The following MINAR1 variants were observed in gnomAD, a reference collection of about 807,000 sequenced individuals.
The protein encoded by MINAR1 is membrane integral NOTCH2 associated receptor 1.
In MINAR1, 40 loss-of-function variants were observed where a neutral mutation model predicts 65.1. The ratio of observed to expected loss-of-function variants is 0.61; its 90% CI spans 0.48 to 0.80. The LOEUF (loss-of-function observed/expected upper bound fraction) is 0.80, where lower values mean the gene tolerates loss of function less well. Ranked by LOEUF, MINAR1 falls within the 30% of genes least tolerant of loss-of-function variation. The pLI is 0.00. For missense variants in MINAR1, 1,128 were observed against 1,148.0 expected, an observed-to-expected ratio of 0.98 and a Z score of 0.25; for synonymous variants, 482 against 449.1, an observed-to-expected ratio of 1.07 and a Z score of -0.93.
chr15:79,429,032 TAGAG>T (rs1894382068), upstream of MINAR1, among the ~76,000 whole-genome samples: 1 of 152,148 alleles, frequency 6.6e-6, no homozygotes, highest in South Asian at 2.1e-4. Context: ...GTTATGTATT[TAGAG>T]AGAATTTGGG....
At chr15:79,417,800 T>G in the MINAR1 span, 1 of 152,202 alleles carries the variant, frequency 6.6e-6, no homozygotes, top group African/African-American at 2.4e-5. Context: ...ATCAGGCTAT[T>G]TGGTTTAATG....
the MINAR1 span, chr15:79,411,665 C>T: frequency 6.8e-6 from 4 of 586,368 alleles, no homozygotes; most frequent in Non-Finnish European, 1.2e-5. Flanking sequence ...CAAGGAACAA[C>T]CTGCTCTCAC....
the MINAR1 span, chr15:79,411,438 G>C: frequency 1.4e-6 from 1 of 702,536 alleles, no homozygotes; most frequent in South Asian, 1.5e-5. Flanking sequence ...TGGACAAGAT[G>C]GTCGACTATA....
At chr15:79,447,237 T>C (rs541248839) in intron 1 of MINAR1, among the ~76,000 whole-genome samples, 64 of 152,322 alleles carry the variant, frequency 4.2e-4, no homozygotes, top group South Asian at 1.0e-3. Context: ...TTCAGCTAAA[T>C]TCCCTTAGAC....
At chr15:79,452,495 AGT>A (rs1022118812) in intron 1 of MINAR1, among the ~76,000 whole-genome samples, 1 of 134,534 alleles carries the variant, frequency 7.4e-6, no homozygotes, top group Non-Finnish European at 1.6e-5. Context: ...TTTGAGTCTG[AGT>A]GTGAAGCTAT....
chr15:79,436,419 A>C (rs1894601297), intron 1 of MINAR1, among the ~76,000 whole-genome samples: 1 of 152,208 alleles, frequency 6.6e-6, no homozygotes, highest in African/African-American at 2.4e-5. Context: ...TTAGTCTTTT[A>C]GAGAAGGAAC....
chr15:79,446,922 TGTCACTCA>T (rs533851911), intron 1 of MINAR1, among the ~76,000 whole-genome samples: 197 of 152,314 alleles, frequency 1.3e-3, no homozygotes, highest in African/African-American at 3.8e-3. Context: ...AGTCTCACTC[TGTCACTCA>T]GGCTAGAGTG....
chr15:79,445,200 A>G (rs900310087), intron 1 of MINAR1, among the ~76,000 whole-genome samples: 1 of 152,122 alleles, frequency 6.6e-6, no homozygotes, highest in Non-Finnish European at 1.5e-5. Context: ...ATAATGTTAT[A>G]GCTCACACTT....
In MINAR1 at chr15:79,458,447, TAATTTA is replaced by T. The variant is rs1411601218; in HGVS notation, c.2298+10_2298+15del. 7 of 1,607,492 alleles carry T rather than the reference TAATTTA, an allele frequency of 4.4e-6. No homozygotes were observed. The highest frequency in any genetic ancestry group is 1.7e-4 in the Middle Eastern group (1 of 6,026). The stretch of plus-strand genomic sequence containing the variant: ...GACTGGCATCGGAAATCTAAAGAGG[TAATTTA>T]AATTTAAGTTCACATAATCGGGCAC... On this transcript the variant is annotated splice_donor_5th_base_variant and intron_variant, in intron 2 of 3. Transcript: ENST00000305428.
At position 79,468,780 on chromosome 15, in the gene MINAR1, G is replaced by C. The variant is rs1386799330; in HGVS notation, c.*396G>C. The C allele has an allele frequency of 5.0e-6, 1 of 198,856 alleles. No individual in the cohort carries two copies. Among genetic ancestry groups the C allele is most frequent in the African/African-American group, 2.4e-5 (1 of 42,442 alleles). 12.3% of individuals were successfully genotyped at this position (198,856 alleles called of 1,614,324 possible). ...TACACGCCTCTTTAGAAGAAACTAAGGGAAATAGCAACATAAGAAGAAAAG... is the reference window on the plus strand; with the variant it reads ...TACACGCCTCTTTAGAAGAAACTAACGGAAATAGCAACATAAGAAGAAAAG... On this transcript the variant is annotated 3_prime_UTR_variant, in exon 4 of 4. Transcript: ENST00000305428.
chr15:79,416,892 C>T, the MINAR1 span: 1 of 152,332 alleles, frequency 6.6e-6, no homozygotes, highest in Non-Finnish European at 1.5e-5. Flanking sequence ...CTCCTCCTCT[C>T]AGCATCCTCA....
chr15:79,468,682 GGAA>G lies in MINAR1; in HGVS notation c.*301_*303del, dbSNP rs1895963492. On this transcript the variant is annotated 3_prime_UTR_variant, in exon 4 of 4. Transcript: ENST00000305428. ...AAATTGAATATTCCAAGCCAAAAAA[GGAA>G]GATTAATTGGGTTCTTTCCATTTTG... 1 of 346,738 alleles carries G rather than the reference GGAA, an allele frequency of 2.9e-6. No homozygotes were observed. The highest frequency in any genetic ancestry group is 5.3e-6 in the Non-Finnish European group (1 of 189,768). 21.5% of individuals were successfully genotyped at this position (346,738 alleles called of 1,614,324 possible). A position where few individuals can be genotyped will look rare whatever the true frequency, so the allele number is the denominator to read the frequency against.
In MINAR1 at chr15:79,470,130, A is replaced by AAACTT. The variant is rs1231113541; in HGVS notation, c.*1749_*1753dup. On this transcript the variant is annotated 3_prime_UTR_variant, in exon 4 of 4. Transcript: ENST00000305428. ...ATGGATTTTCAATTTCAGTAACCGA[A>AAACTT]AACTTAAGCCTTAGTATGAAAAACT... 3.9e-5 allele frequency: 6 copies of AAACTT among 152,586 alleles called. No individual in the cohort carries two copies. Among genetic ancestry groups the AAACTT allele is most frequent in the Non-Finnish European group, 8.8e-5 (6 of 68,044 alleles). 9.5% of individuals were successfully genotyped at this position (152,586 alleles called of 1,614,324 possible). A position where few individuals can be genotyped will look rare whatever the true frequency, so the allele number is the denominator to read the frequency against.
intron 3 of MINAR1, among the ~76,000 whole-genome samples, chr15:79,465,838 C>G (rs914427787): frequency 6.6e-6 from 1 of 151,866 alleles, no homozygotes; most frequent in Non-Finnish European, 1.5e-5. Context: ...AGTCTTCCAG[C>G]AAAATATGCC....
chr15:79,463,369 G>A, intron 3 of MINAR1, 48 bp downstream of exon 3: 1 of 1,597,176 alleles, frequency 6.3e-7, no homozygotes, highest in East Asian at 2.2e-5. Flanking sequence ...CTGTGCCCTG[G>A]CAAATGCCCT....
intron 1 of MINAR1, among the ~76,000 whole-genome samples, chr15:79,444,572 A>G (rs1215792152): frequency 6.6e-6 from 1 of 152,152 alleles, no homozygotes; most frequent in Admixed American, 6.5e-5. Context: ...ATTACTATAA[A>G]CTTTCCTCTA....
At chr15:79,449,273 C>A (rs1200724731) in intron 1 of MINAR1, among the ~76,000 whole-genome samples, 1 of 152,188 alleles carries the variant, frequency 6.6e-6, no homozygotes, top group Non-Finnish European at 1.5e-5. Flanking sequence ...TGCTCTAACA[C>A]CCACTTTGTC....
At chr15:79,454,150 C>A (rs918672015) in intron 1 of MINAR1, among the ~76,000 whole-genome samples, 1 of 152,040 alleles carries the variant, frequency 6.6e-6, no homozygotes, top group African/African-American at 2.4e-5. Context: ...AAGGCTGGGG[C>A]GGGGTGGGAA....
the MINAR1 span, chr15:79,424,043 G>A: frequency 6.6e-6 from 1 of 152,182 alleles, no homozygotes; most frequent in East Asian, 1.9e-4. Flanking sequence ...TGCTTAGCTG[G>A]TAGATAATTT....
Sources: allele counts gnomAD v4.1 joint callset (sites outside exome capture counted in the v4.1 genomes callset), GRCh38; gene constraint gnomAD v4.1.1; transcripts MANE v1.5; gene names NCBI Gene and HGNC (gene_info 2026-07-23, HGNC 2026-07-21).